HP1BP3: variants seen among roughly 807,000 people sequenced by gnomAD.
The protein encoded by HP1BP3 is heterochromatin protein 1 binding protein 3.
In HP1BP3, 12 loss-of-function variants were observed where a neutral mutation model predicts 62.5. That is an observed-to-expected ratio of 0.19 (90% CI 0.12 to 0.31). The LOEUF is 0.31. HP1BP3 is among the 10% of genes least tolerant of loss of function. HP1BP3 has a pLI of 1.00. For missense variants in HP1BP3, 502 were observed against 651.8 expected (o/e 0.77, Z 2.50); for synonymous variants, 260 against 237.8 (o/e 1.09, Z -0.86).
At chr1:20,766,091 A>G (rs1289765908) in intron 7 of HP1BP3, among the ~76,000 whole-genome samples, 1 of 152,190 alleles carries the variant, frequency 6.6e-6, no homozygotes, top group Non-Finnish European at 1.5e-5. Context: ...CTCAAGTTTG[A>G]GACCAGCCTG....
intron 9 of HP1BP3, among the ~76,000 whole-genome samples, chr1:20,752,271 A>G (rs1282727186): frequency 6.6e-6 from 1 of 150,618 alleles, no homozygotes; most frequent in Non-Finnish European, 1.5e-5. Context: ...ACAAACAAAA[A>G]CCTAAGATGC....
At chr1:20,769,324 G>A (rs1203545200) in intron 6 of HP1BP3, among the ~76,000 whole-genome samples, 1 of 152,172 alleles carries the variant, frequency 6.6e-6, no homozygotes, top group African/African-American at 2.4e-5. Context: ...TTGGGAGGCT[G>A]AGGTGGGTGA....
intron 6 of HP1BP3, 141 bp from the exon 7 acceptor site, chr1:20,767,805 G>A: frequency 1.7e-6 from 1 of 605,248 alleles, no homozygotes; most frequent in Non-Finnish European, 2.9e-6. Context: ...TCAATGCAGA[G>A]TCAAAAGACT....
At chr1:20,746,689 T>C (rs1205629366) in intron 11 of HP1BP3, among the ~76,000 whole-genome samples, 5 of 152,060 alleles carry the variant, frequency 3.3e-5, no homozygotes, top group East Asian at 1.9e-4. Context: ...AGTATGGAGG[T>C]AGAGTTAAGA....
At chr1:20,784,329 T>C (rs915990752) in intron 1 of HP1BP3, among the ~76,000 whole-genome samples, 4 of 152,168 alleles carry the variant, frequency 2.6e-5, no homozygotes, top group Non-Finnish European at 5.9e-5. Context: ...ATTTTGAGGC[T>C]GCCACACTTG....
chr1:20,745,234 G>C, intron 12 of HP1BP3, 143 bp from the exon 13 acceptor site: 2 of 943,548 alleles, frequency 2.1e-6, no homozygotes, highest in Non-Finnish European at 3.1e-6. Flanking sequence ...TTTTACTAGA[G>C]ATTTTACTAA....
chr1:20,757,369 ATTAT>A (rs1213096824), intron 8 of HP1BP3, 113 bp from the exon 9 acceptor site: 15 of 400,640 alleles, frequency 3.7e-5, no homozygotes, highest in African/African-American at 3.1e-4. Context: ...TATTATTATT[ATTAT>A]TTTTTTTTTT....
chr1:20,776,016 A>AG, intron 4 of HP1BP3: 1 of 1,494,966 alleles, frequency 6.7e-7, no homozygotes, highest in Middle Eastern at 2.0e-4. Flanking sequence ...CTGCAAAAAA[A>AG]AAAAAAAAAA....
intron 9 of HP1BP3, among the ~76,000 whole-genome samples, chr1:20,752,262 C>G (rs1237422873): frequency 2.6e-5 from 4 of 151,632 alleles, no homozygotes; most frequent in Non-Finnish European, 5.9e-5. Context: ...AAAAAACAAA[C>G]AAACAAAAAC....
intron 8 of HP1BP3, among the ~76,000 whole-genome samples, chr1:20,759,308 CAGA>C (rs1206282490): frequency 1.3e-5 from 2 of 152,140 alleles, no homozygotes; most frequent in African/African-American, 4.8e-5. Context: ...GCTGATGAGG[CAGA>C]AGAATTGCTT....
intron 10 of HP1BP3, 58 bp downstream of exon 10, chr1:20,749,665 G>C (rs604728): frequency 2.6e-6 from 4 of 1,517,102 alleles, no homozygotes; most frequent in Non-Finnish European, 3.6e-6. Context: ...GGCCCTCCAC[G>C]GTTTTTTCAA....
chr1:20,780,526 T>C lies in HP1BP3; in HGVS notation c.-86A>G. On this transcript the variant is annotated 5_prime_UTR_variant, in exon 2 of 13. Transcript: ENST00000438032. ...AGGATTTTTCCTAATGGTTTCAGTG[T>C]GGTGAAGAATCAACCTAAAGCACAG... 1 of 935,750 alleles carries C rather than the reference T, an allele frequency of 1.1e-6. No homozygotes were observed. The highest frequency in any genetic ancestry group is 1.4e-5 in the South Asian group (1 of 73,858). 58.0% of individuals were successfully genotyped at this position (935,750 alleles called of 1,614,324 possible).
intron 8 of HP1BP3, among the ~76,000 whole-genome samples, chr1:20,761,536 G>T (rs1180790424): frequency 2.1e-4 from 1 of 4,874 alleles, no homozygotes; most frequent in African/African-American, 2.3e-4. Context: ...AGCAGAGTGG[G>T]GATCATTAAA....
At chr1:20,780,093 A>G (rs910293772) in intron 2 of HP1BP3, among the ~76,000 whole-genome samples, 182 bp from the exon 3 acceptor site, 2 of 152,202 alleles carry the variant, frequency 1.3e-5, no homozygotes, top group African/African-American at 4.8e-5. Flanking sequence ...TACACTTTTT[A>G]AAGTATGTTA....
At chr1:20,748,085 A>G (rs913977667) in intron 10 of HP1BP3, among the ~76,000 whole-genome samples, 6 of 152,150 alleles carry the variant, frequency 3.9e-5, no homozygotes, top group Non-Finnish European at 4.4e-5. Context: ...GAAAAAAAAA[A>G]AGCCCAGAGT....
chr1:20,741,013 T>TG lies in HP1BP3; in HGVS notation c.*3783dup, dbSNP rs536114469. On this transcript the variant is annotated 3_prime_UTR_variant, in exon 13 of 13. Transcript: ENST00000438032. ...GGCTCTGCAGAAGTGAGTGACCATC[T>TG]GTTCCACCATGAAAATGCAAAAGCA... Among the ~76,000 whole-genome samples, 243 of 152,326 alleles carry TG rather than the reference T, an allele frequency of 1.6e-3. No individual in the cohort carries two copies. Among genetic ancestry groups the TG allele is most frequent in the Middle Eastern group, 3.4e-3 (1 of 294 alleles).
At chr1:20,750,460 G>A (rs962566117) in intron 9 of HP1BP3, among the ~76,000 whole-genome samples, 15 of 151,732 alleles carry the variant, frequency 9.9e-5, no homozygotes, top group Admixed American at 2.6e-4. Flanking sequence ...CCCAAGACGC[G>A]GGGTTGCAGT....
intron 1 of HP1BP3, among the ~76,000 whole-genome samples, chr1:20,783,757 G>A (rs922516708): frequency 9.4e-6 from 1 of 106,460 alleles, no homozygotes. Flanking sequence ...GTAACAGTGT[G>A]AGACTCTGTC....
In HP1BP3 at chr1:20,741,296, G is replaced by T. The variant is rs1045593558; in HGVS notation, c.*3501C>A. Among the ~76,000 whole-genome samples the T allele has an allele frequency of 6.6e-6, 1 of 152,146 alleles. No homozygotes were observed. The highest frequency in any genetic ancestry group is 1.5e-5 in the Non-Finnish European group (1 of 68,034). ...TTTCGTTCTCATGACGTATCAAGATGGCAAGAGGGTCACAGCCTGAGAGAG... is the reference window on the plus strand; with the variant it reads ...TTTCGTTCTCATGACGTATCAAGATTGCAAGAGGGTCACAGCCTGAGAGAG... On this transcript the variant is annotated 3_prime_UTR_variant, in exon 13 of 13. Transcript: ENST00000438032.
Sources: allele counts gnomAD v4.1 joint callset (sites outside exome capture counted in the v4.1 genomes callset), GRCh38; gene constraint gnomAD v4.1.1; transcripts MANE v1.5; gene names NCBI Gene and HGNC (gene_info 2026-07-23, HGNC 2026-07-21).